The following BCKDHB variants were observed in gnomAD, a reference collection of about 807,000 sequenced individuals.
BCKDHB encodes the protein 2-oxoisovalerate dehydrogenase subunit beta, mitochondrial.
A neutral mutation model predicts 48.5 loss-of-function variants in BCKDHB; 41 were observed. The ratio of observed to expected loss-of-function variants is 0.85; its 90% confidence interval spans 0.66 to 1.10. The LOEUF is 1.10. Among genes scored for constraint, BCKDHB ranks in the 50% least tolerant of loss-of-function variants. BCKDHB has a pLI of 0.00. For missense variants in BCKDHB, 496 were observed against 494.2 expected (o/e 1.00, Z -0.03); for synonymous variants, 201 against 174.8 (o/e 1.15, Z -1.18).
At chr6:80,206,297 GC>G (rs3840386) in intron 8 of BCKDHB, among the ~76,000 whole-genome samples, 93,685 of 151,896 alleles carry the variant, frequency 0.62, 29,173 homozygotes, top group South Asian at 0.76. Flanking sequence ...GCGCAGCAGA[GC>G]CAAGGAGTCA....
the BCKDHB span, among the ~76,000 whole-genome samples, chr6:80,396,723 G>T: frequency 2.0e-5 from 3 of 152,184 alleles, no homozygotes; most frequent in African/African-American, 7.2e-5. Context: ...TTTATAAGGG[G>T]TTTTTCCCTC....
chr6:80,208,142 A>G (rs1774755424), intron 8 of BCKDHB, among the ~76,000 whole-genome samples: 1 of 151,838 alleles, frequency 6.6e-6, no homozygotes, highest in South Asian at 2.1e-4. Context: ...TTCTCTAACA[A>G]TAGTGGAATT....
chr6:80,332,717 A>AAG (rs1769377035), intron 9 of BCKDHB, among the ~76,000 whole-genome samples: 1 of 151,506 alleles, frequency 6.6e-6, no homozygotes, highest in Non-Finnish European at 1.5e-5. Flanking sequence ...AAAAAAAAAA[A>AAG]AAAAACACCT....
At chr6:80,185,337 T>A (rs1161289582) in intron 6 of BCKDHB, among the ~76,000 whole-genome samples, 2 of 152,162 alleles carry the variant, frequency 1.3e-5, no homozygotes, top group African/African-American at 2.4e-5. Context: ...TGTTTTTTTT[T>A]AAATTTTCTT....
chr6:80,133,016 C>A (rs1770706117), intron 3 of BCKDHB, among the ~76,000 whole-genome samples: 1 of 152,028 alleles, frequency 6.6e-6, no homozygotes, highest in Non-Finnish European at 1.5e-5. Context: ...TGATATAGTT[C>A]AATATAACAA....
At chr6:80,293,587 C>T (rs1767057398) in intron 9 of BCKDHB, among the ~76,000 whole-genome samples, 1 of 152,118 alleles carries the variant, frequency 6.6e-6, no homozygotes, top group African/African-American at 2.4e-5. Flanking sequence ...AGACATTTTC[C>T]CATTGTCTTG....
intron 8 of BCKDHB, among the ~76,000 whole-genome samples, chr6:80,236,102 C>T (rs2127900178): frequency 6.6e-6 from 1 of 152,240 alleles, no homozygotes; most frequent in South Asian, 2.1e-4. Flanking sequence ...CTATTAAAAA[C>T]AATTGTTCTT....
At chr6:80,161,540 A>G (rs1772318797) in intron 3 of BCKDHB, among the ~76,000 whole-genome samples, 1 of 152,138 alleles carries the variant, frequency 6.6e-6, no homozygotes, top group South Asian at 2.1e-4. Flanking sequence ...TGTGCCGGGT[A>G]AGTAAGTGCT....
chr6:80,404,203 G>C, the BCKDHB span, among the ~76,000 whole-genome samples: 1 of 151,922 alleles, frequency 6.6e-6, no homozygotes, highest in Non-Finnish European at 1.5e-5. Context: ...ACAGATCCTA[G>C]TCTTTCTTTT....
At chr6:80,383,744 CTG>C in the BCKDHB span, among the ~76,000 whole-genome samples, 1 of 152,048 alleles carries the variant, frequency 6.6e-6, no homozygotes, top group African/African-American at 2.4e-5. Flanking sequence ...ATCTTTCCTA[CTG>C]TGTCCCACGT....
chr6:80,411,539 G>T, the BCKDHB span, among the ~76,000 whole-genome samples: 2 of 152,228 alleles, frequency 1.3e-5, no homozygotes, highest in African/African-American at 2.4e-5. Flanking sequence ...GTAGTCTGCT[G>T]GCTTTTGCTC....
chr6:80,390,229 G>C, the BCKDHB span, among the ~76,000 whole-genome samples: 1 of 152,170 alleles, frequency 6.6e-6, no homozygotes, highest in Non-Finnish European at 1.5e-5. Flanking sequence ...ACCATGCCCT[G>C]TGATTAAGGT....
chr6:80,201,329 G>T (rs1403730638), intron 7 of BCKDHB, among the ~76,000 whole-genome samples: 3 of 151,986 alleles, frequency 2.0e-5, no homozygotes, highest in Non-Finnish European at 4.4e-5. Context: ...TTTGTGTGTG[G>T]GGGTGGGGGC....
chr6:80,392,626 C>T, the BCKDHB span, among the ~76,000 whole-genome samples: 1 of 151,522 alleles, frequency 6.6e-6, no homozygotes, highest in African/African-American at 2.4e-5. Context: ...TTTCATGTTG[C>T]CTTTTATAAA....
At chr6:80,354,442 T>A in the BCKDHB span, among the ~76,000 whole-genome samples, 7 of 152,180 alleles carry the variant, frequency 4.6e-5, no homozygotes, top group Non-Finnish European at 8.8e-5. Context: ...TTGCCCAGGC[T>A]GGTCTTGAAC....
the BCKDHB span, among the ~76,000 whole-genome samples, chr6:80,434,298 A>G: frequency 3.3e-5 from 5 of 151,708 alleles, no homozygotes; most frequent in Admixed American, 6.6e-5. Flanking sequence ...TTAAAAACAT[A>G]CAACAGATTA....
At chr6:80,217,064 G>A (rs1011224074) in intron 8 of BCKDHB, among the ~76,000 whole-genome samples, 14 of 152,056 alleles carry the variant, frequency 9.2e-5, no homozygotes, top group African/African-American at 3.4e-4. Context: ...CCAACATGGT[G>A]AAACCCCACC....
intron 6 of BCKDHB, among the ~76,000 whole-genome samples, chr6:80,172,969 C>T (rs975471256): frequency 6.6e-6 from 1 of 152,032 alleles, no homozygotes; most frequent in African/African-American, 2.4e-5. Context: ...TTGTGAATAG[C>T]TTTTTGATGA....
At chr6:80,425,387 A>G in the BCKDHB span, among the ~76,000 whole-genome samples, 2 of 152,232 alleles carry the variant, frequency 1.3e-5, no homozygotes, top group African/African-American at 2.4e-5. Context: ...CAACCACCAC[A>G]CATCACTGAG....
Sources: allele counts gnomAD v4.1 joint callset (sites outside exome capture counted in the v4.1 genomes callset), GRCh38; gene constraint gnomAD v4.1.1; transcripts MANE v1.5; gene names NCBI Gene and HGNC (gene_info 2026-07-23, HGNC 2026-07-21).